SPAG9: variants seen among roughly 807,000 people sequenced by gnomAD.
SPAG9 encodes C-Jun-amino-terminal kinase-interacting protein 4.
A neutral mutation model predicts 166.5 loss-of-function variants in SPAG9; 35 were observed. That is an observed-to-expected ratio of 0.21 (90% CI 0.16 to 0.28). The LOEUF (loss-of-function observed/expected upper bound fraction) is 0.28, where lower values mean the gene tolerates loss of function less well. Among genes scored for constraint, SPAG9 ranks in the 10% least tolerant of loss-of-function variants. The pLI is 1.00. For synonymous variants in SPAG9, 534 were observed against 565.5 expected, an observed-to-expected ratio of 0.94 and a Z score of 0.79; for missense variants, 1,235 against 1,603.3, an observed-to-expected ratio of 0.77 and a Z score of 3.92.
intron 3 of SPAG9, among the ~76,000 whole-genome samples, chr17:51,048,427 T>C (rs1409796360): frequency 6.6e-6 from 1 of 152,038 alleles, no homozygotes; most frequent in Non-Finnish European, 1.5e-5. Flanking sequence ...ATGTCTTTCT[T>C]GGGAATATTA....
At chr17:51,103,066 G>A (rs1355174721) in intron 1 of SPAG9, among the ~76,000 whole-genome samples, 1 of 152,112 alleles carries the variant, frequency 6.6e-6, no homozygotes, top group Non-Finnish European at 1.5e-5. Context: ...ATTATACCCA[G>A]GAGAAGTCAT....
chr17:51,079,440 T>C (rs1252943523), intron 2 of SPAG9, 144 bp downstream of exon 2: 10 of 632,852 alleles, frequency 1.6e-5, no homozygotes, highest in South Asian at 1.1e-4. Flanking sequence ...GGTTTCACCA[T>C]GTTGACCAGG....
At chr17:51,077,039 T>TATCTAGCTAGCTATCTAGCTAGCA (rs2048015674) in intron 2 of SPAG9, among the ~76,000 whole-genome samples, 1 of 110,854 alleles carries the variant, frequency 9.0e-6, no homozygotes, top group South Asian at 2.6e-4. Context: ...TCTATCTAGC[T>TATCTAGCTAGCTATCTAGCTAGCA]ATCTAGCTAT....
chr17:51,032,834 T>C lies in SPAG9; in HGVS notation c.742-1112A>G, dbSNP rs1282692551. Among the ~76,000 whole-genome samples the C allele has an allele frequency of 2.0e-5, 3 of 151,990 alleles. No homozygotes were observed. In the East Asian group the frequency reaches 5.8e-4, roughly 29 times the overall value. On this transcript the variant is annotated intron_variant, in intron 5 of 29. Coordinates refer to ENST00000262013, the MANE Select transcript of SPAG9 (RefSeq NM_001130528.3). ...CTGTAATCCCAGCTGCTCTGGAGGCTGAGGCAGGAGAATCGCTTGAACCCA... is the reference window on the plus strand; with the variant it reads ...CTGTAATCCCAGCTGCTCTGGAGGCCGAGGCAGGAGAATCGCTTGAACCCA...
At chr17:51,017,770 A>G (rs1349377323) in intron 8 of SPAG9, among the ~76,000 whole-genome samples, 2 of 152,204 alleles carry the variant, frequency 1.3e-5, no homozygotes, top group East Asian at 3.9e-4. Context: ...TTTATCATAT[A>G]TTGATTCATT....
chr17:50,979,796 T>A lies in SPAG9; in HGVS notation c.3359A>T (p.Tyr1120Phe), dbSNP rs2143695316. 1 of 1,614,102 alleles carries A rather than the reference T, an allele frequency of 6.2e-7. No homozygotes were observed. The highest frequency in any genetic ancestry group is 8.5e-7 in the Non-Finnish European group (1 of 1,179,938). ...AATGTCCACATCCTGTAGATGTTGA[T>A]AAGTGTGTGCATGATAGAGACGGAG... ...STLRLYHAHTYQHLQDVDIEP... is the reference protein window; with the variant it reads ...STLRLYHAHTFQHLQDVDIEP... Residue 1120 changes from tyrosine (Y) to phenylalanine (F), a missense_variant, in exon 26 of 30, where the codon TAT becomes TTT. Tyr to Phe is a conservative substitution (Grantham distance 22, BLOSUM62 3). This residue lies in a region of SPAG9 where 243 missense variants were observed against 358.6 expected (regional missense o/e 0.68). Transcript: ENST00000262013.
intron 4 of SPAG9, among the ~76,000 whole-genome samples, chr17:51,045,986 TTTTG>T (rs1410268238): frequency 6.6e-6 from 1 of 152,196 alleles, no homozygotes; most frequent in Non-Finnish European, 1.5e-5. Flanking sequence ...TTAAAACATA[TTTTG>T]TTTTAGGAGG....
At chr17:51,058,953 C>T (rs2047431523) in intron 2 of SPAG9, among the ~76,000 whole-genome samples, 1 of 152,086 alleles carries the variant, frequency 6.6e-6, no homozygotes, top group Non-Finnish European at 1.5e-5. Flanking sequence ...ATATGTCCAC[C>T]CAAAGGTATT....
chr17:51,116,042 T>C (rs1411547763), intron 1 of SPAG9, among the ~76,000 whole-genome samples: 1 of 145,574 alleles, frequency 6.9e-6, no homozygotes, highest in Non-Finnish European at 1.5e-5. Context: ...GAAGTTTCTT[T>C]TTTTTTTCTT....
intron 26 of SPAG9, among the ~76,000 whole-genome samples, chr17:50,978,642 T>C (rs1205634429): frequency 6.6e-6 from 1 of 152,064 alleles, no homozygotes; most frequent in African/African-American, 2.4e-5. Context: ...ACCTAAATGG[T>C]CTCTCCTGAT....
intron 14 of SPAG9, 43 bp from the exon 15 acceptor site, chr17:50,998,660 A>C: frequency 6.4e-7 from 1 of 1,554,794 alleles, no homozygotes; most frequent in Non-Finnish European, 8.8e-7. Context: ...GTACTATGAG[A>C]AACAATCCTT....
intron 21 of SPAG9, among the ~76,000 whole-genome samples, chr17:50,988,474 A>G (rs558274723): frequency 2.0e-5 from 3 of 152,246 alleles, no homozygotes; most frequent in East Asian, 3.8e-4. Flanking sequence ...AAAAGGCAGG[A>G]AAGAAAATAA....
In SPAG9 at chr17:50,982,672, T is replaced by C. The variant is rs774895860; in HGVS notation, c.3089A>G (p.Asp1030Gly). 6.3e-7 allele frequency: 1 copy of C among 1,597,916 alleles called. No homozygotes were observed. Among genetic ancestry groups the C allele is most frequent in the African/African-American group, 1.4e-5 (1 of 73,734 alleles). ...GTLAIFHRGV[D>G]GQWDLSNYHL... ...ATAGTTTGACAAATCCCACTGCCCA[T>C]CTTTAAAAAAAATAAAAGGTTATAG... The change falls in exon 25 of 30, where the codon GAT becomes GGT. Residue 1030 changes from aspartate (D) to glycine (G), a missense_variant and splice_region_variant. Coordinates refer to ENST00000262013, the MANE Select transcript of SPAG9 (RefSeq NM_001130528.3).
intron 19 of SPAG9, among the ~76,000 whole-genome samples, chr17:50,991,923 C>CTT (rs1023810785): frequency 0.028 from 1,781 of 63,308 alleles, 209 homozygotes; most frequent in South Asian, 0.042. Context: ...CATGCCAGGT[C>CTT]TTTTTTTTTT....
rs150758360 is a variant in SPAG9 at position 50,995,202 on chromosome 17, T to C, written c.2081A>G (p.Asn694Ser). The change falls in exon 18 of 30, where the codon AAT (asparagine) becomes AGT (serine). Residue 694 changes from asparagine (N) to serine (S), a missense_variant. Physicochemically the swap from Asn to Ser is conservative, Grantham distance 46 (BLOSUM62 1). Transcript: ENST00000262013. The stretch of plus-strand genomic sequence containing the variant: ...ATCTCTGGTCTTCCCACCAGATAAA[T>C]TGACTCCAACAGCACACCACAGCTT... ...SMKLWCAVGV[N>S]LSGGKTRDGG... is the part of the protein sequence containing the mutation. The C allele has an allele frequency of 1.8e-4, 292 of 1,613,902 alleles. No individual in the cohort carries two copies. Among genetic ancestry groups the C allele is most frequent in the Middle Eastern group, 4.9e-4 (3 of 6,084 alleles).
In SPAG9 at chr17:51,041,492, A is replaced by T. The variant is rs1229766266; in HGVS notation, c.741+9T>A. 1 of 1,611,618 alleles carries T rather than the reference A, an allele frequency of 6.2e-7. No homozygotes were observed. Among genetic ancestry groups the T allele is most frequent in the African/African-American group, 1.3e-5 (1 of 74,798 alleles). The stretch of plus-strand genomic sequence containing the variant: ...TAAACTGACACAATTTCAGCAGCAT[A>T]AAGCTTACCTTCAGGCTGGTATGAG... On this transcript the variant is annotated intron_variant, in intron 5 of 29. Transcript: ENST00000262013.
At chr17:50,979,704 ACC>A in intron 26 of SPAG9, 40 bp downstream of exon 26, 1 of 1,571,066 alleles carries the variant, frequency 6.4e-7, no homozygotes, top group Middle Eastern at 1.7e-4. Flanking sequence ...AAAATAAAAC[ACC>A]CTCTTTGACT....
At position 51,095,876 on chromosome 17, in the gene SPAG9, GATAT is replaced by G. The variant is rs533764265; in HGVS notation, c.304-16176_304-16173del. 7.9e-4 allele frequency among the ~76,000 whole-genome samples: 112 copies of G among 142,474 alleles called. 1 individual carries two copies. Among genetic ancestry groups the G allele is most frequent in the Middle Eastern group, 3.6e-3 (1 of 274 alleles). The allele number at this position is 142,474 out of a possible 152,430, so 93.5% of individuals were successfully genotyped here. On this transcript the variant is annotated intron_variant, in intron 1 of 29. Coordinates refer to ENST00000262013, the MANE Select transcript of SPAG9 (RefSeq NM_001130528.3). The stretch of plus-strand genomic sequence containing the variant: ...TATAGTGATATATATATAGTGATGT[GATAT>G]ATATAGTGATATATACAGTGATATA...
intron 2 of SPAG9, among the ~76,000 whole-genome samples, chr17:51,074,858 T>C (rs1046485162): frequency 5.9e-5 from 9 of 151,556 alleles, no homozygotes; most frequent in East Asian, 1.9e-4. Flanking sequence ...GAAAAAAAAA[T>C]TGACATACTC....
Sources: gnomAD v4.1 joint callset for allele counts (sites outside exome capture counted in the v4.1 genomes callset) on GRCh38, gnomAD v4.1.1 for gene constraint, gnomAD v4.1.1 regional missense constraint, MANE v1.5 for transcripts, NCBI Gene and HGNC (gene_info 2026-07-23, HGNC 2026-07-21) for gene names.